The following WDFY2 variants were observed in gnomAD, a reference collection of about 807,000 sequenced individuals.
WDFY2 encodes the protein WD repeat and FYVE domain-containing protein 2.
WDFY2 carries 36 observed loss-of-function variants against 56.4 expected under a neutral mutation model. The observed-to-expected ratio is 0.64, with a 90% confidence interval of 0.49 to 0.84. The LOEUF (loss-of-function observed/expected upper bound fraction) is 0.84, where lower values mean the gene tolerates loss of function less well. WDFY2 is among the 40% of genes least tolerant of loss of function. The pLI is 0.00. For missense variants in WDFY2, 444 were observed against 512.2 expected (o/e 0.87, Z 1.29); for synonymous variants, 176 against 183.7 (o/e 0.96, Z 0.34).
intron 7 of WDFY2, among the ~76,000 whole-genome samples, chr13:51,749,110 A>C (rs928779620): frequency 2.6e-5 from 4 of 152,200 alleles, no homozygotes; most frequent in Admixed American, 6.5e-5. Flanking sequence ...TTCTCATCAA[A>C]ATTTTTTGTT....
intron 3 of WDFY2, among the ~76,000 whole-genome samples, chr13:51,681,735 C>T (rs1955980132): frequency 6.6e-6 from 1 of 152,088 alleles, no homozygotes; most frequent in Non-Finnish European, 1.5e-5. Flanking sequence ...TGGAGCTATG[C>T]TTAGCAGGAA....
At chr13:51,729,656 G>A (rs1952682131) in intron 6 of WDFY2, among the ~76,000 whole-genome samples, 1 of 152,054 alleles carries the variant, frequency 6.6e-6, no homozygotes, top group Admixed American at 6.6e-5. Context: ...AAAATGGATT[G>A]CCTTGATCTC....
intron 7 of WDFY2, among the ~76,000 whole-genome samples, chr13:51,744,068 C>T (rs539109205): frequency 6.6e-6 from 1 of 152,204 alleles, no homozygotes; most frequent in African/African-American, 2.4e-5. Context: ...AAGCAGATCC[C>T]TTTTACGGTG....
At chr13:51,655,069 A>G (rs940463789) in intron 1 of WDFY2, among the ~76,000 whole-genome samples, 1 of 152,104 alleles carries the variant, frequency 6.6e-6, no homozygotes, top group Non-Finnish European at 1.5e-5. Context: ...ACTTGGCTTA[A>G]TTAATTTAAT....
intron 5 of WDFY2, among the ~76,000 whole-genome samples, 185 bp downstream of exon 5, chr13:51,719,533 C>T (rs1445918422): frequency 6.6e-6 from 1 of 152,158 alleles, no homozygotes; most frequent in Non-Finnish European, 1.5e-5. Context: ...GAGTGAAGTG[C>T]GGTCACTTGA....
At chr13:51,632,908 A>T (rs1954978749) in intron 1 of WDFY2, among the ~76,000 whole-genome samples, 1 of 152,166 alleles carries the variant, frequency 6.6e-6, no homozygotes, top group Non-Finnish European at 1.5e-5. Flanking sequence ...GCTTTGTCAG[A>T]GGTTGTGTAG....
At chr13:51,615,558 G>C (rs927857511) in intron 1 of WDFY2, among the ~76,000 whole-genome samples, 2 of 152,130 alleles carry the variant, frequency 1.3e-5, no homozygotes, top group Admixed American at 1.3e-4. Flanking sequence ...CGTTTAAACA[G>C]GCCCACTTAT....
At chr13:51,759,698 C>T in intron 11 of WDFY2, 42 bp from the exon 12 acceptor site, 1 of 1,610,482 alleles carries the variant, frequency 6.2e-7, no homozygotes, top group Non-Finnish European at 8.5e-7. Flanking sequence ...TTATCCTCAA[C>T]ACAATTTTAG....
chr13:51,608,842 C>T (rs1372102812), intron 1 of WDFY2, among the ~76,000 whole-genome samples: 1 of 152,076 alleles, frequency 6.6e-6, no homozygotes, highest in Non-Finnish European at 1.5e-5. Context: ...TCATTCAGTA[C>T]CACAATGTAT....
At chr13:51,698,811 TA>T (rs962865143) in intron 3 of WDFY2, among the ~76,000 whole-genome samples, 3 of 151,848 alleles carry the variant, frequency 2.0e-5, no homozygotes, top group Non-Finnish European at 4.4e-5. Context: ...GTTTGTTAAG[TA>T]AAAAAAATAA....
intron 3 of WDFY2, among the ~76,000 whole-genome samples, chr13:51,687,322 A>G (rs891329488): frequency 5.7e-4 from 86 of 152,016 alleles, no homozygotes; most frequent in African/African-American, 1.7e-4. Context: ...TAATCTCTTT[A>G]TAAATAACAT....
intron 1 of WDFY2, among the ~76,000 whole-genome samples, chr13:51,603,365 T>C (rs1378763720): frequency 2.0e-5 from 3 of 152,170 alleles, no homozygotes; most frequent in Non-Finnish European, 4.4e-5. Flanking sequence ...TAATGCCTGG[T>C]AGGGCCTGGA....
At chr13:51,646,863 A>G (rs1180721962) in intron 1 of WDFY2, among the ~76,000 whole-genome samples, 1 of 152,174 alleles carries the variant, frequency 6.6e-6, no homozygotes, top group Non-Finnish European at 1.5e-5. Flanking sequence ...GTGCTTTGCC[A>G]TATCCAGTTG....
chr13:51,600,005 C>G (rs1240197201), intron 1 of WDFY2, among the ~76,000 whole-genome samples: 1 of 152,134 alleles, frequency 6.6e-6, no homozygotes, highest in Non-Finnish European at 1.5e-5. Flanking sequence ...CTCCTTCTCC[C>G]CTACTTCTCC....
chr13:51,683,308 G>A (rs372474872), intron 3 of WDFY2, among the ~76,000 whole-genome samples: 1 of 152,350 alleles, frequency 6.6e-6, no homozygotes, highest in East Asian at 1.9e-4. Flanking sequence ...TAAAATCAAC[G>A]ATAGGAATCA....
At chr13:51,715,957 T>C (rs569875401) in intron 4 of WDFY2, among the ~76,000 whole-genome samples, 4 of 152,174 alleles carry the variant, frequency 2.6e-5, no homozygotes, top group African/African-American at 9.6e-5. Context: ...TTATTCATAA[T>C]GGCCAAAAAA....
At chr13:51,676,086 G>T (rs926744237) in intron 3 of WDFY2, among the ~76,000 whole-genome samples, 13 of 152,152 alleles carry the variant, frequency 8.5e-5, no homozygotes. Flanking sequence ...TATGTGATCA[G>T]CCCAAGTCCT....
At chr13:51,733,826 C>G (rs1463483761) in intron 6 of WDFY2, among the ~76,000 whole-genome samples, 2 of 152,146 alleles carry the variant, frequency 1.3e-5, no homozygotes, top group Admixed American at 6.5e-5. Flanking sequence ...TTCCTGAAAC[C>G]TGGAGTACTG....
chr13:51,639,773 A>G (rs1014314432), intron 1 of WDFY2, among the ~76,000 whole-genome samples: 2 of 152,180 alleles, frequency 1.3e-5, no homozygotes, highest in Non-Finnish European at 2.9e-5. Context: ...GGAGAATTTA[A>G]TCTTCTAATG....
Sources: allele counts gnomAD v4.1 joint callset (sites outside exome capture counted in the v4.1 genomes callset), GRCh38; gene constraint gnomAD v4.1.1; transcripts MANE v1.5; gene names NCBI Gene and HGNC (gene_info 2026-07-23, HGNC 2026-07-21).